CEP89: variants seen among roughly 807,000 people sequenced by gnomAD.
The protein encoded by CEP89 is centrosomal protein 89.
CEP89 carries 95 observed loss-of-function variants against 97.6 expected under a neutral mutation model. The ratio of observed to expected loss-of-function variants is 0.97; its 90% CI spans 0.82 to 1.15. CEP89 has a LOEUF of 1.15. Among genes scored for constraint, CEP89 ranks in the 50% most tolerant of loss-of-function variants. The pLI, the probability that CEP89 is intolerant of heterozygous loss-of-function variation, is 0.00. For synonymous variants in CEP89, 354 were observed against 349.1 expected, an observed-to-expected ratio of 1.01 and a Z score of -0.16; for missense variants, 869 against 947.7, an observed-to-expected ratio of 0.92 and a Z score of 1.09.
At chr19:32,879,429 C>T in intron 18 of CEP89, 51 bp from the exon 19 acceptor site, 1 of 1,436,814 alleles carries the variant, frequency 7.0e-7, no homozygotes. Flanking sequence ...ATATAGAGCC[C>T]ATATGAATCC....
At chr19:32,944,890 T>C (rs1459719956) in intron 5 of CEP89, among the ~76,000 whole-genome samples, 1 of 152,228 alleles carries the variant, frequency 6.6e-6, no homozygotes, top group African/African-American at 2.4e-5. Flanking sequence ...TGGAAGCCAC[T>C]GCACTTTACA....
chr19:32,937,767 A>G lies in CEP89; in HGVS notation c.625-94T>C, dbSNP rs1463855611. On this transcript the variant is annotated intron_variant, in intron 6 of 18. Coordinates refer to ENST00000305768, the MANE Select transcript of CEP89 (RefSeq NM_032816.5). ...CTAGGTCATTAGACAGCAGGTATAT[A>G]AGCATGCTTTATTTCCTTCATTTTG... The G allele has an allele frequency of 2.1e-5, 18 of 845,860 alleles. No homozygotes were observed. In the Admixed American group the frequency reaches 3.9e-4, roughly 18 times the overall value. 52.4% of individuals were successfully genotyped at this position (845,860 alleles called of 1,614,324 possible). A position where few individuals can be genotyped will look rare whatever the true frequency, so the allele number is the denominator to read the frequency against.
intron 9 of CEP89, among the ~76,000 whole-genome samples, chr19:32,927,502 A>C (rs1970386027): frequency 6.6e-6 from 1 of 151,864 alleles, no homozygotes; most frequent in Non-Finnish European, 1.5e-5. Flanking sequence ...AACCTAACCT[A>C]TATGTTATCT....
At chr19:32,942,837 G>C (rs1431425909) in intron 5 of CEP89, among the ~76,000 whole-genome samples, 1 of 150,536 alleles carries the variant, frequency 6.6e-6, no homozygotes, top group Non-Finnish European at 1.5e-5. Flanking sequence ...GTCATGCTGG[G>C]TCTATTCCAG....
In CEP89 at chr19:32,971,899, C is replaced by A. The variant is rs1971422710; in HGVS notation, c.-25G>T. The A allele has an allele frequency of 1.3e-6, 2 of 1,577,990 alleles. No individual in the cohort carries two copies. The highest frequency in any genetic ancestry group is 1.7e-6 in the Non-Finnish European group (2 of 1,160,438). On this transcript the variant is annotated 5_prime_UTR_variant, in exon 1 of 19. Coordinates refer to ENST00000305768, the MANE Select transcript of CEP89 (RefSeq NM_032816.5). ...TCCTTGCAGCGCGAGGAGAATGGACCGGGGCCTGGACTCATCAGCAGATCT... is the reference window on the plus strand; with the variant it reads ...TCCTTGCAGCGCGAGGAGAATGGACAGGGGCCTGGACTCATCAGCAGATCT...
At chr19:32,971,684 AC>A in intron 1 of CEP89, 151 bp downstream of exon 1, 1 of 721,510 alleles carries the variant, frequency 1.4e-6, no homozygotes, top group Non-Finnish European at 2.3e-6. Context: ...AGTTTAGAAC[AC>A]GAAAAATCAA....
At chr19:32,887,009 C>G (rs1485074570) in intron 17 of CEP89, among the ~76,000 whole-genome samples, 1 of 123,758 alleles carries the variant, frequency 8.1e-6, no homozygotes, top group East Asian at 2.3e-4. Context: ...GACCTCATCT[C>G]TAAACAAAAA....
At chr19:32,932,303 A>G (rs149740254) in intron 8 of CEP89, among the ~76,000 whole-genome samples, 1 of 152,294 alleles carries the variant, frequency 6.6e-6, no homozygotes, top group East Asian at 1.9e-4. Context: ...AGATCCCACA[A>G]GGTAACAGCA....
intron 4 of CEP89, among the ~76,000 whole-genome samples, chr19:32,951,534 T>TACACACACAC (rs60580377): frequency 2.1e-3 from 251 of 122,002 alleles, no homozygotes; most frequent in African/African-American, 6.7e-3. Context: ...TATATATATA[T>TACACACACAC]ACACACACAC....
At chr19:32,957,273 G>A (rs1971068197) in intron 3 of CEP89, among the ~76,000 whole-genome samples, 1 of 152,168 alleles carries the variant, frequency 6.6e-6, no homozygotes, top group South Asian at 2.1e-4. Flanking sequence ...TTGCTTTTTA[G>A]TCTCTTGTTT....
chr19:32,971,671 A>G (rs1348694786), intron 1 of CEP89, 165 bp downstream of exon 1: 3 of 681,868 alleles, frequency 4.4e-6, no homozygotes, highest in South Asian at 1.9e-5. Flanking sequence ...AAAAAAAAAA[A>G]AAAGTTTAGA....
chr19:32,941,375 T>C (rs962138161), intron 5 of CEP89, among the ~76,000 whole-genome samples: 8 of 152,110 alleles, frequency 5.3e-5, no homozygotes, highest in African/African-American at 1.7e-4. Context: ...TGGTGGCACT[T>C]GCCTGTAATC....
At chr19:32,896,669 T>C (rs1281835861) in intron 16 of CEP89, among the ~76,000 whole-genome samples, 2 of 151,952 alleles carry the variant, frequency 1.3e-5, no homozygotes, top group Admixed American at 6.6e-5. Context: ...ATCAATAGAA[T>C]GAAGAGACAA....
At chr19:32,890,583 G>A (rs898666213) in intron 16 of CEP89, among the ~76,000 whole-genome samples, 8 of 152,232 alleles carry the variant, frequency 5.3e-5, no homozygotes, top group East Asian at 1.9e-4. Context: ...CGGCACCCGC[G>A]CAATGAAGGA....
At chr19:32,913,644 T>TTC (rs1402687851) in intron 14 of CEP89, among the ~76,000 whole-genome samples, 1 of 151,182 alleles carries the variant, frequency 6.6e-6, no homozygotes, top group East Asian at 1.9e-4. Context: ...ACACACTTTT[T>TTC]TTTTTTTTTT....
At chr19:32,971,255 G>A (rs938971412) in intron 1 of CEP89, 40 of 376,006 alleles carry the variant, frequency 1.1e-4, no homozygotes, top group Admixed American at 5.6e-4. Flanking sequence ...GTGGAGGAGG[G>A]AAAAATGAAG....
chr19:32,915,300 G>GAAA, intron 14 of CEP89, 37 bp downstream of exon 14: 113 of 1,221,004 alleles, frequency 9.3e-5, no homozygotes, highest in Admixed American at 3.7e-4. Context: ...CTCGAAAAAA[G>GAAA]AAAAAAAAAA....
chr19:32,938,262 C>T (rs934127055), intron 6 of CEP89, among the ~76,000 whole-genome samples: 2 of 152,082 alleles, frequency 1.3e-5, no homozygotes, highest in Admixed American at 6.6e-5. Flanking sequence ...CCGTGAGTAG[C>T]GGGCTGTGGG....
chr19:32,960,082 A>G (rs547558802), intron 2 of CEP89, 24 bp from the exon 3 acceptor site: 1 of 1,613,218 alleles, frequency 6.2e-7, no homozygotes, highest in Admixed American at 1.7e-5. Context: ...CATCCCATGG[A>G]GACAGTGAGA....
Sources: allele counts gnomAD v4.1 joint callset (sites outside exome capture counted in the v4.1 genomes callset), GRCh38; gene constraint gnomAD v4.1.1; transcripts MANE v1.5; gene names NCBI Gene and HGNC (gene_info 2026-07-23, HGNC 2026-07-21).